The following VWCE variants were observed in gnomAD, a reference collection of about 807,000 sequenced individuals.
The protein encoded by VWCE is von Willebrand factor C and EGF domains, also known as von Willebrand factor C and EGF domain-containing protein.
In VWCE, 68 loss-of-function variants were observed where a neutral mutation model predicts 102.9. The ratio of observed to expected loss-of-function variants is 0.66; its 90% confidence interval spans 0.54 to 0.81. The LOEUF is 0.81. Ranked by LOEUF, VWCE falls within the 30% of genes least tolerant of loss-of-function variation. The probability of loss-of-function intolerance (pLI) is 0.00; values close to 1 mark genes in which losing one functional copy is unlikely to be tolerated. For missense variants in VWCE, 1,137 were observed against 1,263.6 expected (o/e 0.90, Z 1.52); for synonymous variants, 497 against 515.4 (o/e 0.96, Z 0.48).
chr11:61,267,346 G>A, intron 16 of VWCE, 116 bp downstream of exon 16: 2 of 1,057,408 alleles, frequency 1.9e-6, no homozygotes, highest in Non-Finnish European at 2.9e-6. Context: ...CTTCCACCAT[G>A]AACCAGAAGC....
At chr11:61,259,370 C>T (rs1854288341) in intron 19 of VWCE, 58 bp from the exon 20 acceptor site, 6 of 1,518,858 alleles carry the variant, frequency 4.0e-6, no homozygotes, top group Admixed American at 2.1e-5. Flanking sequence ...GCCAAGGTGG[C>T]TCTGGGACAA....
At chr11:61,277,475 T>A (rs951771644) in intron 10 of VWCE, among the ~76,000 whole-genome samples, 2 of 148,782 alleles carry the variant, frequency 1.3e-5, no homozygotes, top group Admixed American at 1.3e-4. Context: ...TAGCCGGGTG[T>A]AATGGCATGA....
chr11:61,265,238 G>A, intron 16 of VWCE, 26 bp from the exon 17 acceptor site: 1 of 1,461,272 alleles, frequency 6.8e-7, no homozygotes, highest in Non-Finnish European at 9.1e-7. Flanking sequence ...AACACACAAG[G>A]CCCTCGGTTC....
chr11:61,282,521 A>G (rs560426496), intron 6 of VWCE: 1 of 380,544 alleles, frequency 2.6e-6, no homozygotes, highest in East Asian at 4.7e-5. Flanking sequence ...AGCAGAGAGG[A>G]ATCCTTGGGG....
chr11:61,279,646 T>C (rs1415151361), intron 9 of VWCE, among the ~76,000 whole-genome samples: 4 of 152,138 alleles, frequency 2.6e-5, no homozygotes, highest in African/African-American at 9.7e-5. Context: ...TACTGCTCAA[T>C]CTCCAGCAAC....
intron 13 of VWCE, among the ~76,000 whole-genome samples, chr11:61,272,244 C>A (rs1219387222): frequency 6.6e-6 from 1 of 151,916 alleles, no homozygotes; most frequent in African/African-American, 2.4e-5. Flanking sequence ...CACACAGATA[C>A]AACTCACACA....
intron 11 of VWCE, among the ~76,000 whole-genome samples, chr11:61,274,846 GCAGC>G (rs1854855604): frequency 6.6e-6 from 1 of 152,200 alleles, no homozygotes; most frequent in South Asian, 2.1e-4. Flanking sequence ...AGGATCTCTT[GCAGC>G]CAGGAGTTTG....
intron 5 of VWCE, among the ~76,000 whole-genome samples, chr11:61,284,931 T>A (rs1285808519): frequency 6.6e-6 from 1 of 150,462 alleles, no homozygotes; most frequent in Non-Finnish European, 1.5e-5. Flanking sequence ...AGAGGGAGTG[T>A]CCTCTGTCCT....
At chr11:61,286,457 C>G in intron 4 of VWCE, 27 bp from the exon 5 acceptor site, 1 of 1,596,918 alleles carries the variant, frequency 6.3e-7, no homozygotes, top group Non-Finnish European at 8.6e-7. Context: ...CACGTGTTTA[C>G]ACAGTGGTCC....
At chr11:61,284,107 G>C (rs1855232299) in intron 5 of VWCE, among the ~76,000 whole-genome samples, 2 of 151,942 alleles carry the variant, frequency 1.3e-5, no homozygotes, top group Admixed American at 1.3e-4. Context: ...CTCATGCCTG[G>C]AATCCCAGCC....
At chr11:61,284,935 C>T (rs547380530) in intron 5 of VWCE, among the ~76,000 whole-genome samples, 2 of 151,710 alleles carry the variant, frequency 1.3e-5, no homozygotes, top group African/African-American at 4.8e-5. Flanking sequence ...GGAGTGTCCT[C>T]TGTCCTCCTC....
In VWCE at chr11:61,291,245, C is replaced by A. The variant is rs749964349; in HGVS notation, c.295+19G>T. On this transcript the variant is annotated intron_variant, in intron 3 of 19. Coordinates refer to ENST00000335613, the MANE Select transcript of VWCE (RefSeq NM_152718.2). The stretch of plus-strand genomic sequence containing the variant: ...GCTCATTCATCTGTTCCCATCAGCC[C>A]CTTCCCATCCCCAGTTACCTGGGCA... The A allele has an allele frequency of 1.3e-6, 2 of 1,557,428 alleles. No homozygotes were observed. Among genetic ancestry groups the A allele is most frequent in the South Asian group, 1.2e-5 (1 of 80,330 alleles).
At chr11:61,269,687 C>T (rs537489145) in intron 14 of VWCE, among the ~76,000 whole-genome samples, 21 of 152,126 alleles carry the variant, frequency 1.4e-4, no homozygotes, top group Admixed American at 3.9e-4. Flanking sequence ...CTCAGATGAT[C>T]CACCTGCCTT....
intron 1 of VWCE, among the ~76,000 whole-genome samples, chr11:61,293,241 CAAAAAA>C (rs764741197): frequency 0.015 from 263 of 18,016 alleles, 2 homozygotes; most frequent in African/African-American, 0.049. Context: ...AACTCCATCT[CAAAAAA>C]AAAAAAAAAA....
In VWCE at chr11:61,294,408, A is replaced by G. The variant is rs1056751609; in HGVS notation, c.110+520T>C. Among the ~76,000 whole-genome samples, 2 of 152,206 alleles carry G rather than the reference A, an allele frequency of 1.3e-5. No individual in the cohort carries two copies. The highest frequency in any genetic ancestry group is 4.8e-5 in the African/African-American group (2 of 41,460). On this transcript the variant is annotated intron_variant, in intron 1 of 19. Coordinates refer to ENST00000335613, the MANE Select transcript of VWCE (RefSeq NM_152718.2). This position sits in a 1 kb window ranked among gnomAD's most constrained non-coding sequence, Gnocchi z 6.3. ...GAGGGCGGCATCCATCGCGAAAGAC[A>G]GCGGAGGGGCATGCACCCCACCCCC...
Position 61,281,154 on chromosome 11 carries a change from TCAGGAAG to T in VWCE, c.862_868del (p.Leu288ArgfsTer75). On this transcript the variant is annotated frameshift_variant, in exon 8 of 20. Coordinates refer to ENST00000335613, the MANE Select transcript of VWCE (RefSeq NM_152718.2). LOFTEE classifies it high-confidence loss of function. ...TGGGGACAGGGCAGGCCGGCCGGCCTCAGGAAGCAACAGAAGCATCTTGGACGGGTGT... is the reference window on the plus strand; with the variant it reads ...TGGGGACAGGGCAGGCCGGCCGGCCTCAACAGAAGCATCTTGGACGGGTGT... The T allele has an allele frequency of 6.2e-7, 1 of 1,613,636 alleles. No individual in the cohort carries two copies. The highest frequency in any genetic ancestry group is 8.5e-7 in the Non-Finnish European group (1 of 1,179,986).
In VWCE at chr11:61,271,557, C is replaced by T. The variant is rs1003166268; in HGVS notation, c.1785+118G>A. ...TTGTGAAAGTGGAACTTGACAGCACCGGAGGGAGACTGCGGCCAGCCTGAG... is the reference window on the plus strand; with the variant it reads ...TTGTGAAAGTGGAACTTGACAGCACTGGAGGGAGACTGCGGCCAGCCTGAG... On this transcript the variant is annotated intron_variant, in intron 14 of 19. Transcript: ENST00000335613. 5.4e-5 allele frequency: 50 copies of T among 920,212 alleles called. No homozygotes were observed. The African/African-American group carries it at 5.5e-4, about 10-fold the overall frequency. 57.0% of individuals were successfully genotyped at this position (920,212 alleles called of 1,614,324 possible). A position where few individuals can be genotyped will look rare whatever the true frequency, so the allele number is the denominator to read the frequency against.
rs767108507 is a variant in VWCE at position 61,294,966 on chromosome 11, G to A, written c.72C>T (p.Tyr24=). 2 of 1,468,424 alleles carry A rather than the reference G, an allele frequency of 1.4e-6. No homozygotes were observed. Among genetic ancestry groups the A allele is most frequent in the South Asian group, 2.6e-5 (2 of 77,064 alleles). 91.0% of individuals were successfully genotyped at this position (1,468,424 alleles called of 1,614,324 possible). A position where few individuals can be genotyped will look rare whatever the true frequency, so the allele number is the denominator to read the frequency against. The change falls in exon 1 of 20, where the codon TAC becomes TAT. Residue 24 remains tyrosine (Y), a synonymous_variant. Transcript: ENST00000335613. This position sits in a 1 kb window ranked among gnomAD's most constrained non-coding sequence, Gnocchi z 6.3. ...LLLPGAPARG[Y]TGRKPPGHFA... The stretch of plus-strand genomic sequence containing the variant: ...AGTGCCCGGGCGGCTTCCTCCCGGT[G>A]TAGCCTCGGGCTGGTGCCCCCGGCA...
At position 61,265,735 on chromosome 11, in the gene VWCE, G is replaced by A. The variant is rs80332084; in HGVS notation, c.1966-523C>T. ...AGCAGCGTCATCCCGCATTCAGGGCGTCAGCATGCTAAGCATGAAGAATTT... is the reference window on the plus strand; with the variant it reads ...AGCAGCGTCATCCCGCATTCAGGGCATCAGCATGCTAAGCATGAAGAATTT... On this transcript the variant is annotated intron_variant, in intron 16 of 19. Coordinates refer to ENST00000335613, the MANE Select transcript of VWCE (RefSeq NM_152718.2). 3.7e-4 allele frequency among the ~76,000 whole-genome samples: 57 copies of A among 152,330 alleles called. 1 individual carries two copies. In the East Asian group the frequency reaches 9.4e-3, roughly 25 times the overall value.
Sources: allele counts gnomAD v4.1 joint callset (sites outside exome capture counted in the v4.1 genomes callset), GRCh38; gene constraint gnomAD v4.1.1; non-coding constraint Gnocchi (gnomAD v3.1); transcripts MANE v1.5; gene names NCBI Gene and HGNC (gene_info 2026-07-23, HGNC 2026-07-21).